The following STIL variants were observed in gnomAD, a reference collection of about 807,000 sequenced individuals.
The protein encoded by STIL is SCL-interrupting locus protein.
STIL carries 55 observed loss-of-function variants against 110.1 expected under a neutral mutation model. The observed-to-expected ratio is 0.50, with a 90% CI of 0.40 to 0.63. The LOEUF (loss-of-function observed/expected upper bound fraction) is 0.63, where lower values mean the gene tolerates loss of function less well. STIL is among the 20% of genes least tolerant of loss of function. The pLI is 0.00. For synonymous variants in STIL, 481 were observed against 530.0 expected (o/e 0.91, Z 1.27); for missense variants, 1,358 against 1,530.0 (o/e 0.89, Z 1.87).
chr1:47,269,170 G>A (rs939714702), intron 14 of STIL, among the ~76,000 whole-genome samples: 1 of 151,840 alleles, frequency 6.6e-6, no homozygotes, highest in African/African-American at 2.4e-5. Context: ...CTGAGCTTGT[G>A]TATTTTTGAA....
chr1:47,283,278 T>G (rs1055521535), intron 10 of STIL: 11 of 152,174 alleles, frequency 7.2e-5, no homozygotes, highest in Non-Finnish European at 1.3e-4. Context: ...AGAAGAGACC[T>G]TTTGCCCTAA....
intron 8 of STIL, among the ~76,000 whole-genome samples, chr1:47,291,701 G>T (rs969898580): frequency 2.0e-5 from 3 of 151,986 alleles, no homozygotes; most frequent in Admixed American, 6.6e-5. Flanking sequence ...GAGCAGCTGG[G>T]ATTACCGGCA....
At chr1:47,265,260 A>AAAAAAAAAAAC (rs1553170532) in intron 14 of STIL, among the ~76,000 whole-genome samples, 39 of 148,418 alleles carry the variant, frequency 2.6e-4, no homozygotes, top group African/African-American at 9.0e-4. Context: ...AAAAAAAAAA[A>AAAAAAAAAAAC]CACAAGATTG....
rs780898207 is a variant in STIL at position 47,305,194 on chromosome 1, C to T, written c.45-198G>A. The T allele has an allele frequency of 1.3e-4, 62 of 490,542 alleles. 1 individual carries two copies. The Middle Eastern group carries it at 1.7e-3, about 14-fold the overall frequency. 30.4% of individuals were successfully genotyped at this position (490,542 alleles called of 1,614,324 possible). ...AGGCTGGAGTGCAGTGGCGTGATCTCAGCTCACTGCAACCTCTGCCTCCTG... is the reference window on the plus strand; with the variant it reads ...AGGCTGGAGTGCAGTGGCGTGATCTTAGCTCACTGCAACCTCTGCCTCCTG... On this transcript the variant is annotated intron_variant, in intron 2 of 16. Transcript: ENST00000371877.
chr1:47,289,080 A>AAAAAAAAAC (rs1557751775), intron 9 of STIL, among the ~76,000 whole-genome samples: 1 of 136,544 alleles, frequency 7.3e-6, no homozygotes, highest in African/African-American at 2.9e-5. Context: ...AAAAAAAAAA[A>AAAAAAAAAC]AAAAAACATC....
chr1:47,308,672 C>A (rs998692606), intron 2 of STIL, among the ~76,000 whole-genome samples: 26 of 150,868 alleles, frequency 1.7e-4, no homozygotes, highest in East Asian at 5.8e-4. Flanking sequence ...AAAAAAAAAA[C>A]CAGAAAGAAT....
chr1:47,266,526 T>C (rs1403307564), intron 14 of STIL, among the ~76,000 whole-genome samples: 1 of 152,218 alleles, frequency 6.6e-6, no homozygotes, highest in Non-Finnish European at 1.5e-5. Flanking sequence ...CACACCCAGC[T>C]AAGTTAAAAT....
intron 16 of STIL, among the ~76,000 whole-genome samples, chr1:47,259,739 T>C (rs902353635): frequency 1.3e-5 from 2 of 152,216 alleles, no homozygotes; most frequent in Admixed American, 6.5e-5. Flanking sequence ...ACAGAAAATA[T>C]GCCAGCCTTA....
intron 16 of STIL, among the ~76,000 whole-genome samples, chr1:47,258,034 A>G (rs768430880): frequency 2.0e-5 from 3 of 152,234 alleles, no homozygotes; most frequent in Non-Finnish European, 4.4e-5. Flanking sequence ...TAGTCTTTCC[A>G]TTTCCGAGAT....
chr1:47,282,070 A>T (rs1419939033), intron 11 of STIL, among the ~76,000 whole-genome samples: 1 of 152,132 alleles, frequency 6.6e-6, no homozygotes, highest in Non-Finnish European at 1.5e-5. Context: ...TAGGTAACTT[A>T]ACCAATCTAT....
chr1:47,280,501 A>G lies in STIL; in HGVS notation c.1957T>C (p.Cys653Arg). The G allele has an allele frequency of 1.2e-6, 2 of 1,614,260 alleles. No homozygotes were observed. The highest frequency in any genetic ancestry group is 1.3e-5 in the African/African-American group (1 of 75,070). Residue 653 changes from cysteine to arginine, a missense_variant, in exon 12 of 17, where the codon TGT becomes CGT. Physicochemically the swap from Cys to Arg is radical, Grantham distance 180. Coordinates refer to ENST00000371877, the MANE Select transcript of STIL (RefSeq NM_001048166.1). ...FHPSGCPALY[C>R]NAFCSSSSPI... ...CTACTTGAAGAACAGAATGCATTAC[A>G]GTACAGGGCTGGACATCCACTTGGG...
intron 14 of STIL, among the ~76,000 whole-genome samples, chr1:47,263,714 T>G (rs1417090612): frequency 6.6e-6 from 1 of 150,870 alleles, no homozygotes; most frequent in Non-Finnish European, 1.5e-5. Context: ...AGCATTTAAA[T>G]ATTTTAGGTA....
Position 47,263,845 on chromosome 1 carries a change from T to C in STIL, c.2616-729A>G, listed in dbSNP as rs574879357. ...TCGGCTGACTGTAACCTCTGCCTTC[T>C]GGGTTCAAGCGATTCTCCTGCCTCA... On this transcript the variant is annotated intron_variant, in intron 14 of 16. Coordinates refer to ENST00000371877, the MANE Select transcript of STIL (RefSeq NM_001048166.1). 2.3e-3 allele frequency among the ~76,000 whole-genome samples: 337 copies of C among 148,218 alleles called. 1 individual carries two copies. The highest frequency in any genetic ancestry group is 4.0e-3 in the Non-Finnish European group (269 of 67,374).
At chr1:47,279,126 T>C (rs1475586345) in intron 12 of STIL, among the ~76,000 whole-genome samples, 1 of 151,680 alleles carries the variant, frequency 6.6e-6, no homozygotes, top group Non-Finnish European at 1.5e-5. Context: ...TGAAACTCCG[T>C]CTCTACTAAA....
At chr1:47,313,207 C>G (rs1646187271) in intron 1 of STIL, 1 of 152,158 alleles carries the variant, frequency 6.6e-6, no homozygotes, top group Non-Finnish European at 1.5e-5. Flanking sequence ...GCCTGTAATC[C>G]CAGCTACTAG....
At chr1:47,313,618 T>C (rs1304055564) in intron 1 of STIL, among the ~76,000 whole-genome samples, 2 of 152,176 alleles carry the variant, frequency 1.3e-5, no homozygotes, top group African/African-American at 4.8e-5. Context: ...GATGGTACTA[T>C]ACTGTCTGTA....
rs915689966 is a variant in STIL at position 47,261,583 on chromosome 1, T to C, written c.2830-1044A>G. On this transcript the variant is annotated intron_variant, in intron 15 of 16. Coordinates refer to ENST00000371877, the MANE Select transcript of STIL (RefSeq NM_001048166.1). The stretch of plus-strand genomic sequence containing the variant: ...GGTGAAACCCCATCTCTGCTAAAAA[T>C]ACAAAAATTAGCCGGGTGTGGTGGC... Among the ~76,000 whole-genome samples the C allele has an allele frequency of 4.0e-5, 6 of 151,330 alleles. No homozygotes were observed. In the Admixed American group the frequency reaches 4.0e-4, roughly 10 times the overall value.
chr1:47,272,548 A>T (rs1644873140), intron 12 of STIL, among the ~76,000 whole-genome samples: 1 of 151,852 alleles, frequency 6.6e-6, no homozygotes, highest in African/African-American at 2.4e-5. Flanking sequence ...TCCTGGGCTC[A>T]ATCGATCCTC....
At position 47,310,365 on chromosome 1, in the gene STIL, A is replaced by G. The variant is rs1446664439; in HGVS notation, c.-43-3T>C. The G allele has an allele frequency of 3.3e-6, 5 of 1,525,558 alleles. No homozygotes were observed. Among genetic ancestry groups the G allele is most frequent in the Non-Finnish European group, 4.5e-6 (5 of 1,102,282 alleles). 94.5% of individuals were successfully genotyped at this position (1,525,558 alleles called of 1,614,324 possible). On this transcript the variant is annotated splice_region_variant and splice_polypyrimidine_tract_variant and intron_variant, in intron 1 of 16. Transcript: ENST00000371877. The stretch of plus-strand genomic sequence containing the variant: ...TTTAATTCCAAATCCTCAGTATCCT[A>G]AAGAATTAAAGAGAATATTACTAAT...
Sources: allele counts gnomAD v4.1 joint callset (sites outside exome capture counted in the v4.1 genomes callset), GRCh38; gene constraint gnomAD v4.1.1; transcripts MANE v1.5; gene names NCBI Gene and HGNC (gene_info 2026-07-23, HGNC 2026-07-21).